IL1RAP: variants seen among roughly 807,000 people sequenced by gnomAD.
The protein encoded by IL1RAP is interleukin-1 receptor accessory protein.
Under a neutral mutation model 60.7 loss-of-function variants are expected in IL1RAP, and 35 were observed. The observed-to-expected ratio is 0.58, with a 90% CI of 0.44 to 0.76. The LOEUF (loss-of-function observed/expected upper bound fraction) is 0.76. IL1RAP is among the 30% of genes least tolerant of loss of function. IL1RAP has a pLI of 0.00. For synonymous variants in IL1RAP, 268 were observed against 250.9 expected (o/e 1.07, Z -0.64); for missense variants, 572 against 693.9 (o/e 0.82, Z 1.97).
chr3:190,570,363 G>A (rs900838921), intron 3 of IL1RAP, among the ~76,000 whole-genome samples: 8 of 152,158 alleles, frequency 5.3e-5, no homozygotes, highest in African/African-American at 1.7e-4. Flanking sequence ...CACTTCCTCA[G>A]CAACCTAGAC....
chr3:190,629,217 T>G, intron 8 of IL1RAP, 133 bp from the exon 9 acceptor site: 1 of 602,440 alleles, frequency 1.7e-6, no homozygotes, highest in South Asian at 2.2e-5. Flanking sequence ...GCATTATAGG[T>G]GGCTCAGCTT....
chr3:190,648,284 G>A, intron 11 of IL1RAP, 54 bp from the exon 12 acceptor site: 1 of 1,525,532 alleles, frequency 6.6e-7, no homozygotes, highest in South Asian at 1.3e-5. Flanking sequence ...AAGCCTCAAT[G>A]CTTTTGGGGA....
intron 1 of IL1RAP, among the ~76,000 whole-genome samples, chr3:190,542,012 A>G (rs779879029): frequency 2.2e-4 from 34 of 152,292 alleles, no homozygotes; most frequent in Admixed American, 1.6e-3. Flanking sequence ...TAAATAACTT[A>G]AGTCTGTGCA....
At chr3:190,536,765 T>C (rs1723497574) in intron 1 of IL1RAP, among the ~76,000 whole-genome samples, 1 of 152,124 alleles carries the variant, frequency 6.6e-6, no homozygotes, top group Non-Finnish European at 1.5e-5. Context: ...TAAAGTATAA[T>C]TTAAAAAACA....
chr3:190,587,850 C>G lies in IL1RAP; in HGVS notation c.65-16278C>G, dbSNP rs1322809967. Reference sequence around the variant, plus strand: ...TCAGAAAAACTGCTGCCCAATAGCTCTGTGAGCTTCCCAATTCACTCTCTG... The same window carrying G: ...TCAGAAAAACTGCTGCCCAATAGCTGTGTGAGCTTCCCAATTCACTCTCTG... On this transcript the variant is annotated intron_variant, in intron 3 of 11. Transcript: ENST00000447382. Among the ~76,000 whole-genome samples the G allele has an allele frequency of 2.0e-5, 3 of 152,218 alleles. No homozygotes were observed. In the East Asian group the frequency reaches 5.8e-4, roughly 29 times the overall value.
At chr3:190,599,751 G>T (rs1729698640) in intron 3 of IL1RAP, among the ~76,000 whole-genome samples, 1 of 146,946 alleles carries the variant, frequency 6.8e-6, no homozygotes, top group Admixed American at 6.8e-5. Context: ...CTTATTGAGT[G>T]ATTGAGATTC....
At position 190,608,997 on chromosome 3, in the gene IL1RAP, A is replaced by C; in HGVS notation, c.353A>C (p.Asn118Thr). 1 of 1,610,866 alleles carries C rather than the reference A, an allele frequency of 6.2e-7. No homozygotes were observed. Among genetic ancestry groups the C allele is most frequent in the South Asian group, 1.1e-5 (1 of 90,582 alleles). The change falls in exon 5 of 12, where the codon AAC becomes ACC. Residue 118 changes from asparagine to threonine, a missense_variant and splice_region_variant. Physicochemically the swap from Asn to Thr is moderately conservative, Grantham distance 65. Transcript: ENST00000447382. Reference protein sequence around the residue: ...DTGNYTCMLRNTTYCSKVAFP... With the variant: ...DTGNYTCMLRTTTYCSKVAFP... ...TCATTGTATATTTCTTTTTTCAGGA[A>C]CACTACATATTGCAGCAAAGTTGCA...
At chr3:190,637,933 C>T (rs1311134121) in intron 9 of IL1RAP, among the ~76,000 whole-genome samples, 1 of 152,040 alleles carries the variant, frequency 6.6e-6, no homozygotes, top group Non-Finnish European at 1.5e-5. Flanking sequence ...TTGATATTCA[C>T]CCATGCTGTT....
chr3:190,656,604 A>G, exon 12 of IL1RAP: 2 of 1,498,520 alleles, frequency 1.3e-6, no homozygotes, highest in Non-Finnish European at 8.9e-7. Flanking sequence ...TTTATATCCT[A>G]TAATTACTGT....
At position 190,617,739 on chromosome 3, in the gene IL1RAP, A is replaced by G. The variant is rs1456501170; in HGVS notation, c.538-2536A>G. Among the ~76,000 whole-genome samples the G allele has an allele frequency of 2.6e-5, 4 of 152,314 alleles. 1 individual carries two copies. Among genetic ancestry groups the G allele is most frequent in the East Asian group, 1.9e-4 (1 of 5,190 alleles). On this transcript the variant is annotated intron_variant, in intron 5 of 11. Coordinates refer to ENST00000447382, the MANE Select transcript of IL1RAP (RefSeq NM_002182.4). Reference sequence around the variant, plus strand: ...AGTTTATTATGTTTAAAATTATCCTATGTGTCTCAGGTACATGTGTTGTGA... The same window carrying G: ...AGTTTATTATGTTTAAAATTATCCTGTGTGTCTCAGGTACATGTGTTGTGA...
chr3:190,518,623 C>T (rs1450443994), intron 1 of IL1RAP: 1 of 152,602 alleles, frequency 6.6e-6, no homozygotes, highest in Non-Finnish European at 1.5e-5. Flanking sequence ...GTTCATTGGA[C>T]TTATAGTTCC....
At chr3:190,514,823 C>G (rs1721366828) in intron 1 of IL1RAP, among the ~76,000 whole-genome samples, 1 of 152,216 alleles carries the variant, frequency 6.6e-6, no homozygotes, top group South Asian at 2.1e-4. Flanking sequence ...GGTACTGTTT[C>G]TTCCCAGCCC....
rs145514834 is a variant in IL1RAP, at chr3:190,583,302, C to T, written c.64+18949C>T. ...TAGTAGGTGCTCAGTAAATACTCAG[C>T]GAATGAATGAAAGGATATAATAAAT... On this transcript the variant is annotated intron_variant, in intron 3 of 11. Coordinates refer to ENST00000447382, the MANE Select transcript of IL1RAP (RefSeq NM_002182.4). Among the ~76,000 whole-genome samples, 49 of 152,242 alleles carry T rather than the reference C, an allele frequency of 3.2e-4. 1 individual carries two copies. In the East Asian group the frequency reaches 6.7e-3, roughly 21 times the overall value.
chr3:190,585,924 T>C (rs1055665127), intron 3 of IL1RAP, among the ~76,000 whole-genome samples: 7 of 152,194 alleles, frequency 4.6e-5, no homozygotes, highest in African/African-American at 1.7e-4. Context: ...CCTAGTCTCA[T>C]TGACCCTTTA....
At chr3:190,613,996 T>C (rs552684780) in intron 5 of IL1RAP, among the ~76,000 whole-genome samples, 1 of 152,062 alleles carries the variant, frequency 6.6e-6, no homozygotes, top group Non-Finnish European at 1.5e-5. Flanking sequence ...AGGTTCTTGG[T>C]CACTGCATCC....
chr3:190,588,113 T>G (rs1218926566), intron 3 of IL1RAP, among the ~76,000 whole-genome samples: 1 of 152,148 alleles, frequency 6.6e-6, no homozygotes, highest in Non-Finnish European at 1.5e-5. Flanking sequence ...TTACATCTTT[T>G]TTTCTTTCTT....
intron 3 of IL1RAP, among the ~76,000 whole-genome samples, chr3:190,568,664 A>T (rs1232757108): frequency 6.6e-6 from 1 of 152,172 alleles, no homozygotes; most frequent in Admixed American, 6.5e-5. Flanking sequence ...TTGCATCCTT[A>T]TTTATAAACC....
chr3:190,553,055 C>CA (rs984149578), intron 1 of IL1RAP, among the ~76,000 whole-genome samples: 1 of 152,060 alleles, frequency 6.6e-6, no homozygotes, highest in African/African-American at 2.4e-5. Flanking sequence ...ATAGCAAAAG[C>CA]AAAAAAGTCA....
At chr3:190,588,461 G>A (rs768564780) in intron 3 of IL1RAP, among the ~76,000 whole-genome samples, 2 of 152,180 alleles carry the variant, frequency 1.3e-5, no homozygotes, top group African/African-American at 4.8e-5. Context: ...ACTAGGCAGG[G>A]AATCACATGC....
Sources: allele counts gnomAD v4.1 joint callset (sites outside exome capture counted in the v4.1 genomes callset), GRCh38; gene constraint gnomAD v4.1.1; transcripts MANE v1.5; gene names NCBI Gene and HGNC (gene_info 2026-07-23, HGNC 2026-07-21).